LRCH1: variants seen among roughly 807,000 people sequenced by gnomAD.
LRCH1 encodes the protein leucine rich repeats and calponin homology domain containing 1.
A neutral mutation model predicts 94.9 loss-of-function variants in LRCH1; 23 were observed. The observed-to-expected ratio is 0.24, with a 90% CI of 0.17 to 0.34. The LOEUF is 0.34. Among genes scored for constraint, LRCH1 ranks in the 10% least tolerant of loss-of-function variants. The pLI is 1.00. For synonymous variants in LRCH1, 364 were observed against 354.9 expected, an observed-to-expected ratio of 1.03 and a Z score of -0.29; for missense variants, 790 against 945.9, an observed-to-expected ratio of 0.84 and a Z score of 2.16.
At chr13:46,737,549 T>A (rs1223528013) in intron 19 of LRCH1, among the ~76,000 whole-genome samples, 1 of 152,240 alleles carries the variant, frequency 6.6e-6, no homozygotes, top group Non-Finnish European at 1.5e-5. Context: ...GTGCTGTTGA[T>A]GCTTAGTGGT....
intron 1 of LRCH1, among the ~76,000 whole-genome samples, chr13:46,630,164 C>T (rs1195376511): frequency 6.6e-6 from 1 of 152,150 alleles, no homozygotes; most frequent in Non-Finnish European, 1.5e-5. Context: ...AATGACTGCT[C>T]ATTGAAAATT....
chr13:46,624,051 T>C (rs2050915512), intron 1 of LRCH1, among the ~76,000 whole-genome samples: 1 of 151,774 alleles, frequency 6.6e-6, no homozygotes, highest in African/African-American at 2.4e-5. Context: ...ACCCAGACAA[T>C]TTTTCTATTT....
chr13:46,652,612 G>A (rs996106910), intron 2 of LRCH1, among the ~76,000 whole-genome samples: 2 of 152,118 alleles, frequency 1.3e-5, no homozygotes, highest in Non-Finnish European at 2.9e-5. Context: ...TCCTGGTGCA[G>A]CAAGCATAAG....
intron 9 of LRCH1, among the ~76,000 whole-genome samples, chr13:46,696,194 GTACA>G (rs1871172053): frequency 3.4e-5 from 4 of 117,952 alleles, no homozygotes; most frequent in South Asian, 2.7e-4. Context: ...ATGCATGTGT[GTACA>G]CACACACACA....
At chr13:46,739,525 A>G (rs1445380062) in intron 19 of LRCH1, among the ~76,000 whole-genome samples, 1 of 152,242 alleles carries the variant, frequency 6.6e-6, no homozygotes, top group Non-Finnish European at 1.5e-5. Context: ...TGGAAAGCAC[A>G]AAGGGCAGAA....
chr13:46,722,270 C>T (rs1315474834), intron 16 of LRCH1, among the ~76,000 whole-genome samples: 1 of 152,142 alleles, frequency 6.6e-6, no homozygotes, highest in Non-Finnish European at 1.5e-5. Context: ...GACTTTCCCT[C>T]CCTACCTCAA....
At chr13:46,626,883 G>A (rs1045448591) in intron 1 of LRCH1, among the ~76,000 whole-genome samples, 4 of 152,196 alleles carry the variant, frequency 2.6e-5, no homozygotes, top group Non-Finnish European at 2.9e-5. Flanking sequence ...AAAATGAAAA[G>A]GTTCGTAATA....
At chr13:46,629,525 T>A (rs937081557) in intron 1 of LRCH1, among the ~76,000 whole-genome samples, 2 of 152,192 alleles carry the variant, frequency 1.3e-5, no homozygotes, top group African/African-American at 2.4e-5. Context: ...ACTCAGCCTT[T>A]GATTCTGTCT....
At chr13:46,687,742 G>A (rs1283481612) in intron 5 of LRCH1, 110 bp from the exon 6 acceptor site, 5 of 816,426 alleles carry the variant, frequency 6.1e-6, no homozygotes, top group Non-Finnish European at 9.4e-6. Context: ...TTGGTAGGGT[G>A]TTACTTAAAA....
chr13:46,581,975 C>A (rs1440012434), intron 1 of LRCH1, among the ~76,000 whole-genome samples: 1 of 152,030 alleles, frequency 6.6e-6, no homozygotes, highest in African/African-American at 2.4e-5. Flanking sequence ...TATGGCGAAA[C>A]CCCCTTTGTA....
At chr13:46,676,808 TA>T (rs766585532) in intron 3 of LRCH1, among the ~76,000 whole-genome samples, 2 of 152,156 alleles carry the variant, frequency 1.3e-5, no homozygotes. Flanking sequence ...GACAGGGTCT[TA>T]CTGTGTCACT....
At chr13:46,625,383 G>A (rs1280665210) in intron 1 of LRCH1, among the ~76,000 whole-genome samples, 1 of 152,210 alleles carries the variant, frequency 6.6e-6, no homozygotes, top group African/African-American at 2.4e-5. Context: ...CAGGGCGATG[G>A]TATTAGGAGA....
intron 1 of LRCH1, among the ~76,000 whole-genome samples, chr13:46,556,579 C>G (rs979304212): frequency 2.6e-5 from 4 of 152,232 alleles, no homozygotes; most frequent in African/African-American, 7.2e-5. Context: ...CCTCTCTATG[C>G]GTTATCTGCA....
At chr13:46,578,807 T>C (rs2005053) in intron 1 of LRCH1, among the ~76,000 whole-genome samples, 88,255 of 151,418 alleles carry the variant, frequency 0.58, 26,146 homozygotes, top group East Asian at 0.67. Context: ...ATGCTTACAT[T>C]GTGGGAGGGG....
At position 46,711,847 on chromosome 13, in the gene LRCH1, A is replaced by G; in HGVS notation, c.1581+3A>G. On this transcript the variant is annotated splice_donor_region_variant and intron_variant, in intron 14 of 19. Coordinates refer to ENST00000389797, the MANE Select transcript of LRCH1 (RefSeq NM_001164211.2). The stretch of plus-strand genomic sequence containing the variant: ...GGAGCCAGTATTCTCCAAATGAGGT[A>G]AGTTTCTTGAAGATTAATGGAAGGT... The G allele has an allele frequency of 6.2e-7, 1 of 1,609,880 alleles. No individual in the cohort carries two copies. The highest frequency in any genetic ancestry group is 1.1e-5 in the South Asian group (1 of 90,906).
intron 10 of LRCH1, among the ~76,000 whole-genome samples, chr13:46,700,743 G>A (rs1871420636): frequency 6.6e-6 from 1 of 152,200 alleles, no homozygotes; most frequent in Non-Finnish European, 1.5e-5. Flanking sequence ...AACGGGAGTT[G>A]GAAGGCCCAG....
chr13:46,607,790 C>CT (rs1238391676), intron 1 of LRCH1, among the ~76,000 whole-genome samples: 1 of 151,158 alleles, frequency 6.6e-6, no homozygotes, highest in Non-Finnish European at 1.5e-5. Flanking sequence ...AGGTGAGCAA[C>CT]TTCCTGGCGA....
chr13:46,712,634 A>G, intron 15 of LRCH1, 37 bp downstream of exon 15: 1 of 1,549,014 alleles, frequency 6.5e-7, no homozygotes, highest in East Asian at 2.2e-5. Flanking sequence ...ACACTAAATA[A>G]CTCATTGCTT....
chr13:46,576,842 A>G (rs1484925390), intron 1 of LRCH1, among the ~76,000 whole-genome samples: 1 of 152,224 alleles, frequency 6.6e-6, no homozygotes. Flanking sequence ...ATGCACATTT[A>G]TGATGGCACA....
Sources: allele counts gnomAD v4.1 joint callset (sites outside exome capture counted in the v4.1 genomes callset), GRCh38; gene constraint gnomAD v4.1.1; transcripts MANE v1.5; gene names NCBI Gene and HGNC (gene_info 2026-07-23, HGNC 2026-07-21).